PDE1A: variants seen among roughly 807,000 people sequenced by gnomAD.
The protein encoded by PDE1A is dual specificity calcium/calmodulin-dependent 3',5'-cyclic nucleotide phosphodiesterase 1A.
Under a neutral mutation model 61.7 loss-of-function variants are expected in PDE1A, and 35 were observed. The ratio of observed to expected loss-of-function variants is 0.57; its 90% CI spans 0.43 to 0.75. The LOEUF is 0.75. Among genes scored for constraint, PDE1A ranks in the 30% least tolerant of loss-of-function variants. The probability of loss-of-function intolerance (pLI) is 0.00; values close to 1 mark genes in which losing one functional copy is unlikely to be tolerated. For synonymous variants in PDE1A, 232 were observed against 213.2 expected (o/e 1.09, Z -0.77); for missense variants, 597 against 630.6 (o/e 0.95, Z 0.57).
chr2:182,161,045 C>T (rs1691351609), intron 13 of PDE1A, among the ~76,000 whole-genome samples: 1 of 152,174 alleles, frequency 6.6e-6, no homozygotes, highest in Non-Finnish European at 1.5e-5. Context: ...GCATACCTTC[C>T]AACTCTGGTG....
intron 2 of PDE1A, among the ~76,000 whole-genome samples, chr2:182,507,888 G>T (rs1689513538): frequency 6.6e-6 from 1 of 151,570 alleles, no homozygotes. Context: ...ATCTCTAAGT[G>T]CAATCTAAGA....
chr2:182,480,429 A>C (rs1687628994), intron 2 of PDE1A, among the ~76,000 whole-genome samples: 1 of 151,968 alleles, frequency 6.6e-6, no homozygotes, highest in Non-Finnish European at 1.5e-5. Context: ...AAAAATGGTC[A>C]GTTAACAGAA....
chr2:182,222,062 C>T (rs1355380630), intron 7 of PDE1A, among the ~76,000 whole-genome samples: 1 of 151,672 alleles, frequency 6.6e-6, no homozygotes, highest in Non-Finnish European at 1.5e-5. Context: ...ATTAAAAAAC[C>T]AAATGAACTG....
intron 13 of PDE1A, among the ~76,000 whole-genome samples, chr2:182,170,713 G>T (rs957462681): frequency 1.3e-5 from 2 of 151,900 alleles, no homozygotes; most frequent in Admixed American, 6.6e-5. Context: ...AGGGTTATTT[G>T]TCTGACTAAA....
At chr2:182,431,587 C>T (rs1703954551), upstream of PDE1A, among the ~76,000 whole-genome samples, 1 of 152,106 alleles carries the variant, frequency 6.6e-6, no homozygotes, top group African/African-American at 2.4e-5. Flanking sequence ...CTGATTTATC[C>T]TTCCAAGGTA....
At chr2:182,317,443 T>C (rs1371862273) in intron 1 of PDE1A, among the ~76,000 whole-genome samples, 2 of 152,100 alleles carry the variant, frequency 1.3e-5, no homozygotes, top group Non-Finnish European at 2.9e-5. Flanking sequence ...CCATGGCAAA[T>C]TCTAAAATGA....
chr2:182,284,083 T>C (rs538066442), intron 1 of PDE1A, among the ~76,000 whole-genome samples: 2 of 152,180 alleles, frequency 1.3e-5, no homozygotes, highest in East Asian at 3.9e-4. Context: ...TTACCTGGCC[T>C]ATTGCAAGAA....
the PDE1A span, among the ~76,000 whole-genome samples, chr2:182,631,691 T>G: frequency 6.6e-6 from 1 of 152,254 alleles, no homozygotes; most frequent in Non-Finnish European, 1.5e-5. Flanking sequence ...TTAACAGGCA[T>G]TAACGTAGTT....
chr2:182,699,054 C>T, the PDE1A span, among the ~76,000 whole-genome samples: 12 of 152,290 alleles, frequency 7.9e-5, no homozygotes, highest in Non-Finnish European at 1.6e-4. Context: ...ACGTCTATCC[C>T]TGAGGTAGCC....
the PDE1A span, among the ~76,000 whole-genome samples, chr2:182,639,602 T>TA: frequency 6.6e-6 from 1 of 151,328 alleles, no homozygotes; most frequent in South Asian, 2.1e-4. Context: ...ATCATCTAAA[T>TA]GAAAATAAAA....
At chr2:182,278,791 T>C (rs1693613049) in intron 1 of PDE1A, among the ~76,000 whole-genome samples, 1 of 151,966 alleles carries the variant, frequency 6.6e-6, no homozygotes. Flanking sequence ...AATGATTAAT[T>C]TGGAGGGGAA....
intron 13 of PDE1A, among the ~76,000 whole-genome samples, chr2:182,182,146 C>T (rs1684818736): frequency 6.6e-6 from 1 of 152,146 alleles, no homozygotes; most frequent in South Asian, 2.1e-4. Context: ...AAGTATGGCA[C>T]ATGCATCTTT....
At chr2:182,291,145 C>G (rs1694505634) in intron 1 of PDE1A, among the ~76,000 whole-genome samples, 1 of 152,120 alleles carries the variant, frequency 6.6e-6, no homozygotes, top group Admixed American at 6.6e-5. Flanking sequence ...AGTCTACTAA[C>G]TGGTCCATCC....
At chr2:182,550,742 G>A in the PDE1A span, among the ~76,000 whole-genome samples, 1 of 152,064 alleles carries the variant, frequency 6.6e-6, no homozygotes, top group Non-Finnish European at 1.5e-5. Flanking sequence ...TGTTTGGTGG[G>A]CAGCTATCAG....
At chr2:182,223,822 T>C (rs1688925361) in intron 7 of PDE1A, 42 bp downstream of exon 7, 1 of 1,164,322 alleles carries the variant, frequency 8.6e-7, no homozygotes, top group Non-Finnish European at 1.2e-6. Context: ...AAAATAAATT[T>C]CAAATTTTAA....
the PDE1A span, among the ~76,000 whole-genome samples, chr2:182,709,805 T>A: frequency 6.6e-6 from 1 of 152,256 alleles, no homozygotes; most frequent in South Asian, 2.1e-4. Context: ...ATGTCAATTA[T>A]CTGAAGTAGA....
the PDE1A span, among the ~76,000 whole-genome samples, chr2:182,703,971 C>T: frequency 1.6e-4 from 24 of 151,344 alleles, no homozygotes; most frequent in South Asian, 2.3e-3. Flanking sequence ...GAGGCTGAGG[C>T]GGGAGGATTA....
intron 1 of PDE1A, among the ~76,000 whole-genome samples, chr2:182,355,286 A>T (rs1272038531): frequency 6.6e-6 from 1 of 152,046 alleles, no homozygotes; most frequent in East Asian, 1.9e-4. Context: ...AGTTAAAAAC[A>T]AATCCATTTC....
In PDE1A at chr2:182,465,756, A is replaced by G. The variant is rs74895875; in HGVS notation, c.101+56520T>C. Among the ~76,000 whole-genome samples the G allele has an allele frequency of 1.1e-3, 174 of 152,152 alleles. 6 individuals carry two copies. In the East Asian group the frequency reaches 0.031, roughly 27 times the overall value. On this transcript the variant is annotated intron_variant, in intron 2 of 14. Transcript: ENST00000410103. ...GGAAGATATTTCTTAATATCCCCCA[A>G]ATCACGATTATTACTTCATCTTTTA... is the stretch of plus-strand genomic sequence containing the variant.
Sources: gnomAD v4.1 joint callset for allele counts (sites outside exome capture counted in the v4.1 genomes callset) on GRCh38, gnomAD v4.1.1 for gene constraint, MANE v1.5 for transcripts, NCBI Gene and HGNC (gene_info 2026-07-23, HGNC 2026-07-21) for gene names.